The following SLC35D4 variants were observed in gnomAD, a reference collection of about 807,000 sequenced individuals.
SLC35D4 encodes the protein solute carrier family 35 member D4.
At chr18:23,266,194 T>C in the SLC35D4 span, among the ~76,000 whole-genome samples, 2 of 152,020 alleles carry the variant, frequency 1.3e-5, no homozygotes, top group African/African-American at 2.4e-5. Flanking sequence ...GAGCAGGCAC[T>C]GGAAGGCAGG....
At chr18:23,372,028 C>T in the SLC35D4 span, among the ~76,000 whole-genome samples, 40 of 136,038 alleles carry the variant, frequency 2.9e-4, no homozygotes, top group Middle Eastern at 3.8e-3. Context: ...CTCCGCCTCC[C>T]GGGTTCACGC....
the SLC35D4 span, among the ~76,000 whole-genome samples, chr18:23,286,759 C>A: frequency 1.3e-5 from 2 of 152,066 alleles, no homozygotes; most frequent in South Asian, 2.1e-4. Flanking sequence ...CCAACTTAGA[C>A]AATACTCTTT....
the SLC35D4 span, among the ~76,000 whole-genome samples, chr18:23,310,928 T>A: frequency 6.6e-6 from 1 of 152,174 alleles, no homozygotes; most frequent in Non-Finnish European, 1.5e-5. Context: ...ACCTGGGTAT[T>A]GTCCTCAGGG....
the SLC35D4 span, among the ~76,000 whole-genome samples, chr18:23,366,774 G>T: frequency 0.022 from 3,316 of 152,278 alleles, 112 homozygotes; most frequent in African/African-American, 0.075. Flanking sequence ...CTAAAGCTAA[G>T]GTTCTCTGAT....
the SLC35D4 span, chr18:23,371,516 G>A: frequency 1.3e-6 from 2 of 1,489,344 alleles, no homozygotes; most frequent in Non-Finnish European, 9.1e-7. Flanking sequence ...TAAGTGCAAG[G>A]CAAATGGAAT....
the SLC35D4 span, among the ~76,000 whole-genome samples, chr18:23,363,403 G>A: frequency 1.3e-3 from 137 of 103,826 alleles, no homozygotes; most frequent in Non-Finnish European, 2.0e-3. Context: ...TTGAGATGGA[G>A]TCTCGCTCTT....
At chr18:23,344,856 T>C in the SLC35D4 span, among the ~76,000 whole-genome samples, 1 of 152,170 alleles carries the variant, frequency 6.6e-6, no homozygotes, top group South Asian at 2.1e-4. Context: ...CGCCTTGGCC[T>C]CTCAAAGTGC....
chr18:23,432,191 T>C, the SLC35D4 span, among the ~76,000 whole-genome samples: 1 of 152,240 alleles, frequency 6.6e-6, no homozygotes, highest in Admixed American at 6.5e-5. Flanking sequence ...AGCTTCATTA[T>C]GACAATAAAT....
the SLC35D4 span, chr18:23,365,687 A>G: frequency 6.2e-7 from 1 of 1,612,868 alleles, no homozygotes; most frequent in Non-Finnish European, 8.5e-7. Flanking sequence ...GAGACAGCAA[A>G]GTAGTCAAGA....
At chr18:23,371,056 T>A in the SLC35D4 span, among the ~76,000 whole-genome samples, 1 of 151,464 alleles carries the variant, frequency 6.6e-6, no homozygotes. Flanking sequence ...CCTCCCTCCT[T>A]CCCACCCTCC....
At chr18:23,318,964 C>T in the SLC35D4 span, among the ~76,000 whole-genome samples, 239 of 151,866 alleles carry the variant, frequency 1.6e-3, 2 homozygotes, top group Non-Finnish European at 4.6e-4. Flanking sequence ...CTGCCTCAGC[C>T]TCCTAAGTAG....
At chr18:23,370,378 T>G in the SLC35D4 span, 2 of 935,716 alleles carry the variant, frequency 2.1e-6, 1 homozygote, top group Middle Eastern at 4.4e-4. Context: ...CGACTGCTGG[T>G]CCTTTTCCCT....
chr18:23,367,763 T>TC, the SLC35D4 span, among the ~76,000 whole-genome samples: 979 of 147,440 alleles, frequency 6.6e-3, 6 homozygotes, highest in Non-Finnish European at 0.011. Flanking sequence ...CCTGGATACT[T>TC]TTTTTTTTTT....
the SLC35D4 span, among the ~76,000 whole-genome samples, chr18:23,329,684 G>C: frequency 2.0e-4 from 30 of 152,172 alleles, no homozygotes; most frequent in Non-Finnish European, 3.7e-4. Context: ...ATTACCATTT[G>C]ACCCAGCAAT....
At chr18:23,261,513 G>A in the SLC35D4 span, among the ~76,000 whole-genome samples, 1 of 151,990 alleles carries the variant, frequency 6.6e-6, no homozygotes, top group Non-Finnish European at 1.5e-5. Context: ...GTCCCAGCTA[G>A]TTGGGAGGCT....
chr18:23,383,466 G>A, the SLC35D4 span, among the ~76,000 whole-genome samples: 5 of 151,946 alleles, frequency 3.3e-5, no homozygotes, highest in South Asian at 4.1e-4. Context: ...ACGATGAGTC[G>A]CACAGACGAA....
the SLC35D4 span, among the ~76,000 whole-genome samples, chr18:23,413,365 C>A: frequency 2.0e-5 from 3 of 152,208 alleles, no homozygotes; most frequent in Admixed American, 6.5e-5. Context: ...CCAATAAGAG[C>A]TTCAAAGAAA....
chr18:23,248,414 C>T, the SLC35D4 span, among the ~76,000 whole-genome samples: 4 of 149,464 alleles, frequency 2.7e-5, no homozygotes, highest in African/African-American at 7.4e-5. Flanking sequence ...GGTGCAGGGG[C>T]GCAGGTCTGC....
At chr18:23,317,566 TG>T in the SLC35D4 span, among the ~76,000 whole-genome samples, 4 of 152,180 alleles carry the variant, frequency 2.6e-5, no homozygotes, top group Admixed American at 6.5e-5. Context: ...CAGAAATACA[TG>T]CAAAGAGCAC....
Sources: gnomAD v4.1 joint callset for allele counts (sites outside exome capture counted in the v4.1 genomes callset) on GRCh38, gnomAD v4.1.1 for gene constraint, MANE v1.5 for transcripts, NCBI Gene and HGNC (gene_info 2026-07-23, HGNC 2026-07-21) for gene names.